FBXO34: variants seen among roughly 807,000 people sequenced by gnomAD.
FBXO34 encodes F-box only protein 34.
A neutral mutation model predicts 24.5 loss-of-function variants in FBXO34; 12 were observed. The ratio of observed to expected loss-of-function variants is 0.49; its 90% CI spans 0.31 to 0.79. The LOEUF is 0.79. Among genes scored for constraint, FBXO34 ranks in the 30% least tolerant of loss-of-function variants. The probability of loss-of-function intolerance (pLI) is 0.04; values close to 1 mark genes in which losing one functional copy is unlikely to be tolerated. For synonymous variants in FBXO34, 320 were observed against 311.9 expected, an observed-to-expected ratio of 1.03 and a Z score of -0.27; for missense variants, 823 against 857.7, an observed-to-expected ratio of 0.96 and a Z score of 0.51.
intron 1 of FBXO34, among the ~76,000 whole-genome samples, chr14:55,296,396 T>C (rs796564198): frequency 1.6e-5 from 2 of 126,226 alleles, no homozygotes; most frequent in African/African-American, 6.3e-5. Context: ...TTTTTGTTTT[T>C]TTTTTTTTTT....
At chr14:55,328,697 T>C (rs1883434015) in intron 1 of FBXO34, among the ~76,000 whole-genome samples, 1 of 152,210 alleles carries the variant, frequency 6.6e-6, no homozygotes, top group South Asian at 2.1e-4. Flanking sequence ...GAGAGAGGTT[T>C]GGGTTAGCCA....
At chr14:55,418,834 T>A in the FBXO34 span, among the ~76,000 whole-genome samples, 450 of 152,084 alleles carry the variant, frequency 3.0e-3, 1 homozygote, top group East Asian at 0.03. Flanking sequence ...ACCAGGAGAG[T>A]GTGTTTTCAC....
At chr14:55,375,581 T>C in the FBXO34 span, among the ~76,000 whole-genome samples, 8 of 148,776 alleles carry the variant, frequency 5.4e-5, no homozygotes, top group African/African-American at 2.0e-4. Flanking sequence ...TGGGCTCAAG[T>C]GATCCTCCCA....
the FBXO34 span, among the ~76,000 whole-genome samples, chr14:55,392,648 CAA>C: frequency 2.7e-4 from 14 of 51,874 alleles, no homozygotes; most frequent in African/African-American, 2.9e-4. Context: ...GACTCCACCT[CAA>C]AAAAAAAAAA....
At chr14:55,303,287 A>G (rs987063967) in intron 1 of FBXO34, among the ~76,000 whole-genome samples, 3 of 152,216 alleles carry the variant, frequency 2.0e-5, no homozygotes, top group Non-Finnish European at 4.4e-5. Context: ...CTGCATAATT[A>G]TAGTATCAGC....
the FBXO34 span, among the ~76,000 whole-genome samples, chr14:55,427,557 G>T: frequency 1.3e-5 from 2 of 152,106 alleles, no homozygotes; most frequent in Non-Finnish European, 2.9e-5. Flanking sequence ...TTCAGTTCCA[G>T]CTTGGCCAAG....
At position 55,352,249 on chromosome 14, in the gene FBXO34, G is replaced by T. The variant is rs138193304; in HGVS notation, c.1859G>T (p.Arg620Leu). Residue 620 changes from arginine (R) to leucine (L), a missense_variant, in exon 2 of 2, where the codon CGC becomes CTC. Around this residue, in one of 2 missense-constraint regions of FBXO34, gnomAD observed 130 missense variants for 198.6 expected, o/e 0.65. Transcript: ENST00000313833. ...EYYNIRPADS[R>L]WVRDPRYRED... Reference sequence around the variant, plus strand: ...TACAATATCAGGCCAGCAGATTCTCGCTGGGTTCGAGATCCACGCTATAGA... The same window carrying T: ...TACAATATCAGGCCAGCAGATTCTCTCTGGGTTCGAGATCCACGCTATAGA... The T allele has an allele frequency of 1.1e-5, 17 of 1,613,984 alleles. No homozygotes were observed. The highest frequency in any genetic ancestry group is 2.2e-5 in the South Asian group (2 of 91,086).
At chr14:55,280,808 G>A (rs1881513130) in intron 1 of FBXO34, among the ~76,000 whole-genome samples, 1 of 152,064 alleles carries the variant, frequency 6.6e-6, no homozygotes, top group African/African-American at 2.4e-5. Flanking sequence ...TTACAGGCGT[G>A]AACCACCACG....
the FBXO34 span, chr14:55,391,301 C>CCATCTCTA: frequency 5.3e-6 from 1 of 188,106 alleles, no homozygotes; most frequent in South Asian, 1.0e-4. Flanking sequence ...TGGTGAAACC[C>CCATCTCTA]CATCTCTACT....
intron 1 of FBXO34, among the ~76,000 whole-genome samples, chr14:55,320,509 T>C (rs1286157588): frequency 6.6e-6 from 1 of 152,218 alleles, no homozygotes; most frequent in African/African-American, 2.4e-5. Context: ...CCCAGCACTT[T>C]GGGAGGCTGA....
At chr14:55,376,569 G>C in the FBXO34 span, among the ~76,000 whole-genome samples, 23 of 152,288 alleles carry the variant, frequency 1.5e-4, no homozygotes, top group South Asian at 6.2e-4. Flanking sequence ...GAGGTGGGGA[G>C]GGGGAGGAAG....
At chr14:55,337,155 G>C (rs530419210) in intron 1 of FBXO34, among the ~76,000 whole-genome samples, 86 of 151,888 alleles carry the variant, frequency 5.7e-4, no homozygotes, top group Non-Finnish European at 8.4e-4. Flanking sequence ...TGTATTTTTA[G>C]TAGAGACAGG....
At chr14:55,325,610 G>T (rs543883300) in intron 1 of FBXO34, among the ~76,000 whole-genome samples, 4 of 152,204 alleles carry the variant, frequency 2.6e-5, no homozygotes, top group African/African-American at 9.6e-5. Flanking sequence ...TGAGTAACTG[G>T]GATTACAGGC....
chr14:55,415,511 A>G, the FBXO34 span, among the ~76,000 whole-genome samples: 1 of 152,220 alleles, frequency 6.6e-6, no homozygotes, highest in Non-Finnish European at 1.5e-5. Flanking sequence ...TCATTGCAGC[A>G]CTATTCACAC....
chr14:55,300,363 C>T (rs192318066), intron 1 of FBXO34, among the ~76,000 whole-genome samples: 10 of 152,172 alleles, frequency 6.6e-5, no homozygotes, highest in South Asian at 2.1e-4. Flanking sequence ...GAGGCTGAGG[C>T]GGGTGGATCA....
Position 55,281,255 on chromosome 14 carries a change from T to TAAAAA in FBXO34, c.-11+9735_-11+9739dup, listed in dbSNP as rs533626777. ...GATGACAGAGTGAGACCCGACTCCTTAAAAAAAAAAAAAAAAAAAAAGCAC... is the reference window on the plus strand; with the variant it reads ...GATGACAGAGTGAGACCCGACTCCTTAAAAAAAAAAAAAAAAAAAAAAAAAAGCAC... On this transcript the variant is annotated intron_variant, in intron 1 of 1. Coordinates refer to ENST00000313833, the MANE Select transcript of FBXO34 (RefSeq NM_017943.4). Among the ~76,000 whole-genome samples the TAAAAA allele has an allele frequency of 8.8e-4, 87 of 98,408 alleles. 3 individuals carry two copies. Among genetic ancestry groups the TAAAAA allele is most frequent in the East Asian group, 6.1e-3 (21 of 3,434 alleles). 64.6% of individuals were successfully genotyped at this position (98,408 alleles called of 152,430 possible).
the FBXO34 span, chr14:55,395,866 A>T: frequency 8.9e-7 from 1 of 1,128,888 alleles, no homozygotes; most frequent in African/African-American, 1.6e-5. Flanking sequence ...AATTTTAATT[A>T]AAAATAATTT....
the FBXO34 span, among the ~76,000 whole-genome samples, chr14:55,379,669 GTAGTAGGAAGA>G: frequency 6.6e-6 from 1 of 152,176 alleles, no homozygotes. Context: ...TAGTTGGAGG[GTAGTAGGAAGA>G]TTGTAGTGCA....
the FBXO34 span, among the ~76,000 whole-genome samples, chr14:55,431,971 AC>A: frequency 1.3e-5 from 2 of 152,240 alleles, no homozygotes; most frequent in African/African-American, 4.8e-5. Flanking sequence ...ACAAAGCAGG[AC>A]CTGAAAAAGA....
Sources: gnomAD v4.1 joint callset for allele counts (sites outside exome capture counted in the v4.1 genomes callset) on GRCh38, gnomAD v4.1.1 for gene constraint, gnomAD v4.1.1 regional missense constraint, MANE v1.5 for transcripts, NCBI Gene and HGNC (gene_info 2026-07-23, HGNC 2026-07-21) for gene names.